ACBD3: variants seen among roughly 807,000 people sequenced by gnomAD.
ACBD3 encodes the protein acyl-CoA binding domain containing 3.
ACBD3 carries 30 observed loss-of-function variants against 66.9 expected under a neutral mutation model. The ratio of observed to expected loss-of-function variants is 0.45; its 90% CI spans 0.34 to 0.61. ACBD3 has a LOEUF of 0.61. Among genes scored for constraint, ACBD3 ranks in the 20% least tolerant of loss-of-function variants. The pLI, the probability that ACBD3 is intolerant of heterozygous loss-of-function variation, is 0.02. For synonymous variants in ACBD3, 278 were observed against 259.8 expected, an observed-to-expected ratio of 1.07 and a Z score of -0.68; for missense variants, 544 against 664.5, an observed-to-expected ratio of 0.82 and a Z score of 1.99.
intron 3 of ACBD3, among the ~76,000 whole-genome samples, chr1:226,162,863 C>G (rs1659796713): frequency 6.6e-6 from 1 of 150,674 alleles, no homozygotes; most frequent in African/African-American, 2.4e-5. Flanking sequence ...GTGGCACATT[C>G]TTGGCTCACT....
intron 1 of ACBD3, among the ~76,000 whole-genome samples, chr1:226,177,933 A>C (rs1381414682): frequency 6.6e-6 from 1 of 151,348 alleles, no homozygotes; most frequent in Non-Finnish European, 1.5e-5. Context: ...TTTTTTGCAG[A>C]GATGGAGTTT....
chr1:226,149,286 G>A (rs1430393353), intron 7 of ACBD3, among the ~76,000 whole-genome samples: 1 of 150,574 alleles, frequency 6.6e-6, no homozygotes, highest in Non-Finnish European at 1.5e-5. Context: ...GAGTGCAATG[G>A]CACGATCTCA....
At chr1:226,147,079 A>G (rs951148007) in intron 7 of ACBD3, among the ~76,000 whole-genome samples, 1 of 152,036 alleles carries the variant, frequency 6.6e-6, no homozygotes, top group Non-Finnish European at 1.5e-5. Context: ...TTTAGTAGAC[A>G]TGGACTTTCA....
chr1:226,186,715 C>T lies in ACBD3; in HGVS notation c.-40G>A, dbSNP rs763630567. On this transcript the variant is annotated 5_prime_UTR_variant, in exon 1 of 8. Coordinates refer to ENST00000366812, the MANE Select transcript of ACBD3 (RefSeq NM_022735.4). Reference sequence around the variant, plus strand: ...CCTCCTCAGCGGGGACAGACGGCAGCCACGTATCGACTTCCTGCTGACCTC... The same window carrying T: ...CCTCCTCAGCGGGGACAGACGGCAGTCACGTATCGACTTCCTGCTGACCTC... 1 of 1,441,912 alleles carries T rather than the reference C, an allele frequency of 6.9e-7. No individual in the cohort carries two copies. The highest frequency in any genetic ancestry group is 9.1e-7 in the Non-Finnish European group (1 of 1,101,164). 89.3% of individuals were successfully genotyped at this position (1,441,912 alleles called of 1,614,324 possible). A position where few individuals can be genotyped will look rare whatever the true frequency, so the allele number is the denominator to read the frequency against.
intron 6 of ACBD3, among the ~76,000 whole-genome samples, chr1:226,152,973 G>A (rs1041468664): frequency 3.9e-5 from 6 of 152,320 alleles, no homozygotes; most frequent in Admixed American, 2.0e-4. Context: ...AGAGATTCTG[G>A]CTTTAGGAAT....
intron 1 of ACBD3, among the ~76,000 whole-genome samples, chr1:226,178,209 T>C (rs3101522): frequency 0.016 from 2,490 of 152,200 alleles, 37 homozygotes; most frequent in Middle Eastern, 0.044. Flanking sequence ...GACAGCATAA[T>C]TTGATACCAA....
intron 7 of ACBD3, among the ~76,000 whole-genome samples, chr1:226,147,852 T>A (rs553475254): frequency 6.6e-6 from 1 of 152,310 alleles, no homozygotes; most frequent in South Asian, 2.1e-4. Flanking sequence ...AAGTCACAGT[T>A]TAACATATTT....
At chr1:226,177,162 C>G (rs1465137264) in intron 1 of ACBD3, among the ~76,000 whole-genome samples, 1 of 124,076 alleles carries the variant, frequency 8.1e-6, no homozygotes, top group Non-Finnish European at 1.6e-5. Flanking sequence ...TCCCATGTAG[C>G]TGTTTTTTTT....
In ACBD3 at chr1:226,152,464, GATA is replaced by G; in HGVS notation, c.1243_1245del (p.Tyr415del). ...TTGTCTGTGGCAAATTCCCAAAAGAGATATGATCCTTCTTCATGGGTGGGTACT... is the reference window on the plus strand; with the variant it reads ...TTGTCTGTGGCAAATTCCCAAAAGAGTGATCCTTCTTCATGGGTGGGTACT... On this transcript the variant is annotated inframe_deletion, in exon 7 of 8. Coordinates refer to ENST00000366812, the MANE Select transcript of ACBD3 (RefSeq NM_022735.4). 6.2e-7 allele frequency: 1 copy of G among 1,614,184 alleles called. No individual in the cohort carries two copies. The highest frequency in any genetic ancestry group is 8.5e-7 in the Non-Finnish European group (1 of 1,180,048).
intron 1 of ACBD3, among the ~76,000 whole-genome samples, chr1:226,169,064 T>G (rs922280318): frequency 3.9e-5 from 6 of 152,012 alleles, no homozygotes; most frequent in African/African-American, 1.4e-4. Context: ...GGTTTCACCA[T>G]GTTAGCCAGG....
At chr1:226,162,682 A>G (rs4653719) in intron 3 of ACBD3, among the ~76,000 whole-genome samples, 96,547 of 152,006 alleles carry the variant, frequency 0.64, 30,930 homozygotes, top group African/African-American at 0.7. Context: ...ACTATTTCAT[A>G]AACCTACCAC....
At chr1:226,159,066 CT>C in intron 5 of ACBD3, 117 bp downstream of exon 5, 2 of 1,175,288 alleles carry the variant, frequency 1.7e-6, no homozygotes, top group Non-Finnish European at 1.2e-6. Context: ...CCAAAAGTTA[CT>C]TTACACCTTA....
intron 1 of ACBD3, among the ~76,000 whole-genome samples, chr1:226,167,459 T>C (rs923316858): frequency 6.6e-6 from 1 of 152,220 alleles, no homozygotes; most frequent in Non-Finnish European, 1.5e-5. Context: ...CTTCACCTGA[T>C]TGGCTCTGGT....
chr1:226,156,504 A>G (rs758561892), intron 5 of ACBD3, among the ~76,000 whole-genome samples: 1 of 152,164 alleles, frequency 6.6e-6, no homozygotes, highest in Non-Finnish European at 1.5e-5. Flanking sequence ...CTGCAGGAAA[A>G]AAAATACACA....
intron 1 of ACBD3, 91 bp downstream of exon 1, chr1:226,186,299 C>A: frequency 7.2e-7 from 1 of 1,393,996 alleles, no homozygotes; most frequent in Non-Finnish European, 9.3e-7. Flanking sequence ...TGGGTGAGGG[C>A]AAGTCTGGTC....
intron 5 of ACBD3, among the ~76,000 whole-genome samples, chr1:226,157,010 T>C (rs1273776040): frequency 1.3e-5 from 2 of 152,160 alleles, no homozygotes; most frequent in Non-Finnish European, 2.9e-5. Flanking sequence ...CTTCCTGTTA[T>C]TAGGAAGTTT....
At position 226,186,739 on chromosome 1, in the gene ACBD3, T is replaced by G; in HGVS notation, c.-64A>C. 1 of 1,402,062 alleles carries G rather than the reference T, an allele frequency of 7.1e-7. No homozygotes were observed. The highest frequency in any genetic ancestry group is 1.5e-5 in the South Asian group (1 of 67,930). The allele number at this position is 1,402,062 out of a possible 1,614,324, so 86.9% of individuals were successfully genotyped here. A position where few individuals can be genotyped will look rare whatever the true frequency, so the allele number is the denominator to read the frequency against. ...GCCACGTATCGACTTCCTGCTGACC[T>G]CTGACCTCCGCTTACCGACACCGGA... is the stretch of plus-strand genomic sequence containing the variant. On this transcript the variant is annotated 5_prime_UTR_variant, in exon 1 of 8. Transcript: ENST00000366812.
chr1:226,153,695 G>A (rs1377695107), intron 6 of ACBD3, among the ~76,000 whole-genome samples: 2 of 152,156 alleles, frequency 1.3e-5, no homozygotes, highest in African/African-American at 4.8e-5. Context: ...GCTGCCCATG[G>A]AAAGCTAGTA....
chr1:226,184,764 C>T (rs1346360292), intron 1 of ACBD3, among the ~76,000 whole-genome samples: 2 of 151,554 alleles, frequency 1.3e-5, no homozygotes, highest in African/African-American at 2.4e-5. Flanking sequence ...GTGGCATGAT[C>T]TCGGCTCACT....
Sources: allele counts gnomAD v4.1 joint callset (sites outside exome capture counted in the v4.1 genomes callset), GRCh38; gene constraint gnomAD v4.1.1; transcripts MANE v1.5; gene names NCBI Gene and HGNC (gene_info 2026-07-23, HGNC 2026-07-21).